Variants in NELL1 observed in about 807,000 individuals in gnomAD.
NELL1 encodes neural EGFL like 1, also known as protein kinase C-binding protein NELL1.
In NELL1, 76 loss-of-function variants were observed where a neutral mutation model predicts 107.4. The ratio of observed to expected loss-of-function variants is 0.71; its 90% CI spans 0.59 to 0.86. The LOEUF (loss-of-function observed/expected upper bound fraction) is 0.86. NELL1 is among the 40% of genes least tolerant of loss of function. The pLI is 0.00. For missense variants in NELL1, 1,024 were observed against 1,005.5 expected (o/e 1.02, Z -0.25); for synonymous variants, 353 against 341.2 (o/e 1.03, Z -0.38).
In NELL1 at chr11:21,027,282, CTAGTTTAGTTTAGTT is replaced by C. The variant is rs60300243; in HGVS notation, c.1300+66767_1300+66781del. Among the ~76,000 whole-genome samples the C allele has an allele frequency of 7.6e-3, 1,077 of 140,992 alleles. 13 individuals carry two copies. The highest frequency in any genetic ancestry group is 0.053 in the East Asian group (244 of 4,604). 92.5% of individuals were successfully genotyped at this position (140,992 alleles called of 152,430 possible). A position where few individuals can be genotyped will look rare whatever the true frequency, so the allele number is the denominator to read the frequency against. On this transcript the variant is annotated intron_variant, in intron 12 of 19. Coordinates refer to ENST00000357134, the MANE Select transcript of NELL1 (RefSeq NM_006157.5). Reference sequence around the variant, plus strand: ...TTCCTGTGGTTAATCTGGGAAAAGCCTAGTTTAGTTTAGTTTAGTTTAGTTTAGTTTAGTTTAGTT... The same window carrying C: ...TTCCTGTGGTTAATCTGGGAAAAGCCTAGTTTAGTTTAGTTTAGTTTAGTT...
intron 12 of NELL1, among the ~76,000 whole-genome samples, chr11:21,053,958 TC>T (rs746372076): frequency 1.1e-4 from 17 of 152,148 alleles, no homozygotes; most frequent in South Asian, 2.1e-4. Flanking sequence ...TTAGTTTTTT[TC>T]CCCATTCACT....
intron 15 of NELL1, among the ~76,000 whole-genome samples, chr11:21,412,372 C>T (rs1852400006): frequency 6.6e-6 from 1 of 152,052 alleles, no homozygotes; most frequent in Non-Finnish European, 1.5e-5. Flanking sequence ...TAAATGCCTA[C>T]TAAATGCCAG....
intron 14 of NELL1, among the ~76,000 whole-genome samples, chr11:21,266,671 T>TGTC (rs1565137818): frequency 6.6e-6 from 1 of 152,092 alleles, no homozygotes; most frequent in Non-Finnish European, 1.5e-5. Flanking sequence ...TCCCCGGTTT[T>TGTC]GTCATCATCA....
chr11:21,379,305 A>T (rs1409286312), intron 15 of NELL1, among the ~76,000 whole-genome samples: 1 of 152,092 alleles, frequency 6.6e-6, no homozygotes, highest in Admixed American at 6.6e-5. Flanking sequence ...ATTGGAAAAA[A>T]TATGCTGATG....
intron 14 of NELL1, among the ~76,000 whole-genome samples, chr11:21,310,175 C>G (rs972968753): frequency 6.6e-6 from 1 of 151,922 alleles, no homozygotes; most frequent in African/African-American, 2.4e-5. Context: ...ACTTGTTAAG[C>G]CTATGTAGAA....
At position 21,574,973 on chromosome 11, in the gene NELL1, A is replaced by T. The variant is rs764906057; in HGVS notation, c.2384A>T (p.Asn795Ile). The change falls in exon 20 of 20, where the codon AAT becomes ATT. Residue 795 changes from asparagine (N) to isoleucine (I), a missense_variant and splice_region_variant. By Grantham distance (149) the Asn-to-Ile change is moderately radical. Coordinates refer to ENST00000357134, the MANE Select transcript of NELL1 (RefSeq NM_006157.5). The stretch of plus-strand genomic sequence containing the variant: ...AACACATGTTTCTTTGATGTACAGA[A>T]TGGAAGAGTCTGTTGTTCTGTGGAT... Reference protein sequence around the residue: ...GSPCTTCKCKNGRVCCSVDFE... With the variant: ...GSPCTTCKCKIGRVCCSVDFE... The T allele has an allele frequency of 6.2e-7, 1 of 1,610,678 alleles. No homozygotes were observed. Among genetic ancestry groups the T allele is most frequent in the Non-Finnish European group, 8.5e-7 (1 of 1,177,684 alleles).
intron 2 of NELL1, among the ~76,000 whole-genome samples, chr11:20,704,392 G>A (rs1489921781): frequency 2.6e-5 from 4 of 152,200 alleles, no homozygotes; most frequent in Middle Eastern, 3.4e-3. Context: ...TTGAGCCTAT[G>A]TGTGTCTCTG....
At chr11:20,985,787 A>G (rs1248357865) in intron 12 of NELL1, among the ~76,000 whole-genome samples, 1 of 152,226 alleles carries the variant, frequency 6.6e-6, no homozygotes, top group East Asian at 1.9e-4. Context: ...CAAGTCTTAT[A>G]TAATTAGTGA....
At chr11:21,524,517 GGATTTT>G (rs1855802695) in intron 15 of NELL1, among the ~76,000 whole-genome samples, 1 of 151,954 alleles carries the variant, frequency 6.6e-6, no homozygotes, top group African/African-American at 2.4e-5. Context: ...ATTTGTGCTT[GGATTTT>G]AATTTAAAAA....
At chr11:21,277,349 A>G (rs1224781018) in intron 14 of NELL1, among the ~76,000 whole-genome samples, 2 of 152,014 alleles carry the variant, frequency 1.3e-5, no homozygotes, top group African/African-American at 4.8e-5. Flanking sequence ...CTACAATGAG[A>G]TACCATCTCA....
At chr11:21,552,139 G>A (rs1185377126) in intron 16 of NELL1, among the ~76,000 whole-genome samples, 1 of 119,390 alleles carries the variant, frequency 8.4e-6, no homozygotes, top group Non-Finnish European at 1.7e-5. Flanking sequence ...GACTGTTGTG[G>A]GGTGGGGGGA....
rs536322651 is a variant in NELL1, at chr11:21,495,752, A to G, written c.1646-38622A>G. The stretch of plus-strand genomic sequence containing the variant: ...TTTATTTTTGATTTGCATTTTCCTG[A>G]TGACTAATTAAGTTGAATATCTTTG... On this transcript the variant is annotated intron_variant, in intron 15 of 19. Coordinates refer to ENST00000357134, the MANE Select transcript of NELL1 (RefSeq NM_006157.5). Among the ~76,000 whole-genome samples the G allele has an allele frequency of 1.0e-3, 156 of 152,164 alleles. 1 individual carries two copies. Among genetic ancestry groups the G allele is most frequent in the Admixed American group, 2.8e-3 (43 of 15,258 alleles).
At chr11:20,714,062 A>G (rs1855176879) in intron 2 of NELL1, among the ~76,000 whole-genome samples, 1 of 151,754 alleles carries the variant, frequency 6.6e-6, no homozygotes, top group Non-Finnish European at 1.5e-5. Context: ...GGATCAATGC[A>G]TTCTTTTGTT....
chr11:20,897,620 G>A (rs1849770698), intron 5 of NELL1, among the ~76,000 whole-genome samples: 2 of 152,054 alleles, frequency 1.3e-5, no homozygotes, highest in Non-Finnish European at 2.9e-5. Context: ...TACCATCAGA[G>A]TGAACAGGAA....
chr11:20,876,451 G>A (rs1346323905), intron 4 of NELL1, among the ~76,000 whole-genome samples: 3 of 152,162 alleles, frequency 2.0e-5, no homozygotes, highest in Non-Finnish European at 4.4e-5. Context: ...CAACATCCAG[G>A]CAGCCTGATA....
chr11:21,015,380 C>T (rs1220603441), intron 12 of NELL1, among the ~76,000 whole-genome samples: 1 of 152,082 alleles, frequency 6.6e-6, no homozygotes, highest in Non-Finnish European at 1.5e-5. Flanking sequence ...ATGACTTGCT[C>T]TGTAAATCAG....
At chr11:21,104,916 A>T (rs761709916) in intron 12 of NELL1, among the ~76,000 whole-genome samples, 15 of 152,194 alleles carry the variant, frequency 9.9e-5, no homozygotes, top group Non-Finnish European at 2.1e-4. Flanking sequence ...CTTCAGAAAG[A>T]GAGCACTATA....
intron 3 of NELL1, among the ~76,000 whole-genome samples, chr11:20,786,356 A>AG (rs961829401): frequency 2.6e-5 from 4 of 151,756 alleles, no homozygotes; most frequent in African/African-American, 9.7e-5. Flanking sequence ...ATCTCAAAAA[A>AG]AAAAAGAAAA....
rs1856738754 is a variant in NELL1 at position 20,775,764 on chromosome 11, C to G, written c.185-7916C>G. On this transcript the variant is annotated intron_variant, in intron 2 of 19. Transcript: ENST00000357134. ...AGAAGAGCTCATCTGCCTTATAGTA[C>G]CTAATTAGCAAAATTATGGGGGTAC... Among the ~76,000 whole-genome samples the G allele has an allele frequency of 2.0e-5, 3 of 152,238 alleles. No individual in the cohort carries two copies. The South Asian group carries it at 6.2e-4, about 32-fold the overall frequency.
Sources: allele counts gnomAD v4.1 joint callset (sites outside exome capture counted in the v4.1 genomes callset), GRCh38; gene constraint gnomAD v4.1.1; transcripts MANE v1.5; gene names NCBI Gene and HGNC (gene_info 2026-07-23, HGNC 2026-07-21).